TEX36: variants seen among roughly 807,000 people sequenced by gnomAD.
The protein encoded by TEX36 is testis-expressed protein 36.
Under a neutral mutation model 13.6 loss-of-function variants are expected in TEX36, and 12 were observed. That is an observed-to-expected ratio of 0.88 (90% CI 0.56 to 1.43). The LOEUF (loss-of-function observed/expected upper bound fraction) is 1.43. TEX36 is among the 40% of genes most tolerant of loss of function. The pLI, the probability that TEX36 is intolerant of heterozygous loss-of-function variation, is 0.00. For synonymous variants in TEX36, 93 were observed against 83.0 expected, an observed-to-expected ratio of 1.12 and a Z score of -0.65; for missense variants, 224 against 228.3, an observed-to-expected ratio of 0.98 and a Z score of 0.12.
At position 125,623,396 on chromosome 10, in the gene TEX36, G is replaced by A. The variant is rs934196142; in HGVS notation, c.265-1751C>T. Among the ~76,000 whole-genome samples the A allele has an allele frequency of 7.9e-5, 12 of 152,014 alleles. No homozygotes were observed. In the South Asian group the frequency reaches 1.2e-3, roughly 16 times the overall value. On this transcript the variant is annotated intron_variant, in intron 3 of 3. Coordinates refer to the TEX36 transcript ENST00000526819. ...CTCCAAGACACACCCAGAAACAATC[G>A]TTTACTGGCCATCTAGGCATCCTTC...
intron 3 of TEX36, among the ~76,000 whole-genome samples, chr10:125,585,491 C>G (rs180775761): frequency 1.3e-5 from 2 of 152,292 alleles, no homozygotes; most frequent in East Asian, 3.9e-4. Flanking sequence ...CAAAAATCCT[C>G]TCCCCCAAGG....
At chr10:125,615,936 T>G (rs1846352276) in intron 3 of TEX36, among the ~76,000 whole-genome samples, 1 of 152,222 alleles carries the variant, frequency 6.6e-6, no homozygotes, top group Non-Finnish European at 1.5e-5. Context: ...CTTGGTAAGC[T>G]ATTGATTATT....
In TEX36 at chr10:125,648,642, G is replaced by A. The variant is rs1270351311; in HGVS notation, c.264+12379C>T. ...TCCTCGGCAGCAATGGAACAAAGCTGGATGGAGAATGACTTTGACAAGTTG... is the reference window on the plus strand; with the variant it reads ...TCCTCGGCAGCAATGGAACAAAGCTAGATGGAGAATGACTTTGACAAGTTG... On this transcript the variant is annotated intron_variant, in intron 3 of 3. Transcript: ENST00000526819. Among the ~76,000 whole-genome samples the A allele has an allele frequency of 2.0e-5, 3 of 152,344 alleles. No individual in the cohort carries two copies. In the East Asian group the frequency reaches 5.8e-4, roughly 29 times the overall value.
intron 1 of TEX36, among the ~76,000 whole-genome samples, chr10:125,678,506 C>T (rs562363550): frequency 7.2e-5 from 11 of 152,058 alleles, no homozygotes; most frequent in South Asian, 6.3e-4. Context: ...TTGGGCCTCC[C>T]GGTGGCTTGC....
rs545157497 is a variant in TEX36, at chr10:125,605,761, C to T, written c.265-28887G>A. 7.9e-5 allele frequency among the ~76,000 whole-genome samples: 12 copies of T among 152,224 alleles called. No individual in the cohort carries two copies. The East Asian group carries it at 2.3e-3, about 29-fold the overall frequency. ...GGATTACAGGTGCCCACCAACACAC[C>T]TGGCTAATTTTTATATTTTTAGTAG... On this transcript the variant is annotated intron_variant, in intron 3 of 3. Coordinates refer to the TEX36 transcript ENST00000532135.
chr10:125,613,443 A>T, intron 3 of TEX36, among the ~76,000 whole-genome samples: 1 of 58,440 alleles, frequency 1.7e-5, no homozygotes, highest in Non-Finnish European at 2.8e-5. Context: ...CCCCCACCCC[A>T]CAACAGTCCT....
chr10:125,680,723 A>T (rs1185620860), intron 1 of TEX36, among the ~76,000 whole-genome samples: 1 of 152,202 alleles, frequency 6.6e-6, no homozygotes, highest in Non-Finnish European at 1.5e-5. Context: ...TTACTTTGGG[A>T]AACTTCATGA....
At chr10:125,668,071 G>C in intron 1 of TEX36, 1 of 626,856 alleles carries the variant, frequency 1.6e-6, no homozygotes, top group East Asian at 2.7e-5. Context: ...AAATAACTGA[G>C]AGTCTGTGGA....
At chr10:125,613,708 C>A (rs1159907261) in intron 3 of TEX36, among the ~76,000 whole-genome samples, 10 of 151,948 alleles carry the variant, frequency 6.6e-5, no homozygotes, top group Non-Finnish European at 1.5e-4. Flanking sequence ...GGTTCCAAGT[C>A]TTTGCTATTG....
rs7099007 is a variant in TEX36 at position 125,674,258 on chromosome 10, T to C, written c.51+8681A>G. 6.2e-3 allele frequency among the ~76,000 whole-genome samples: 937 copies of C among 152,356 alleles called. 9 individuals carry two copies. Among genetic ancestry groups the C allele is most frequent in the African/African-American group, 0.02 (849 of 41,576 alleles). The stretch of plus-strand genomic sequence containing the variant: ...ATTGTGACGTTTTCATGTTGAGTTT[T>C]TCAGCTCCATCAGATCATTTATGTT... On this transcript the variant is annotated intron_variant, in intron 1 of 3. Coordinates refer to ENST00000368821, the MANE Select transcript of TEX36 (RefSeq NM_001128202.3).
At chr10:125,608,741 T>C (rs1589752667) in intron 3 of TEX36, among the ~76,000 whole-genome samples, 1 of 152,182 alleles carries the variant, frequency 6.6e-6, no homozygotes, top group East Asian at 1.9e-4. Flanking sequence ...CCCTTTCCTT[T>C]TGGAGTTGAC....
In TEX36 at chr10:125,605,328, C is replaced by T. The variant is rs559908393; in HGVS notation, c.265-28454G>A. 1.4e-4 allele frequency among the ~76,000 whole-genome samples: 21 copies of T among 150,360 alleles called. No individual in the cohort carries two copies. In the South Asian group the frequency reaches 3.1e-3, roughly 22 times the overall value. ...GCAATGTGGTCAGTTATTCTCCACA[C>T]GCAGCATAGTGCAGCAATGTGGTCA... On this transcript the variant is annotated intron_variant, in intron 3 of 3. Transcript: ENST00000532135.
chr10:125,587,495 A>G (rs999064817), intron 3 of TEX36, among the ~76,000 whole-genome samples: 1 of 152,196 alleles, frequency 6.6e-6, no homozygotes, highest in African/African-American at 2.4e-5. Context: ...TACCTTAGAG[A>G]CACTTTATAC....
At chr10:125,612,837 T>C (rs1846307044) in intron 3 of TEX36, among the ~76,000 whole-genome samples, 1 of 151,294 alleles carries the variant, frequency 6.6e-6, no homozygotes, top group African/African-American at 2.4e-5. Flanking sequence ...AAAACCAAAA[T>C]AGAAGAAAAT....
rs191271597 is a variant in TEX36, at chr10:125,602,639, G to A, written c.265-25765C>T. Among the ~76,000 whole-genome samples the A allele has an allele frequency of 5.8e-3, 875 of 152,168 alleles. 5 individuals are homozygous for A. The highest frequency in any genetic ancestry group is 0.012 in the Admixed American group (188 of 15,280). On this transcript the variant is annotated intron_variant, in intron 3 of 3. Transcript: ENST00000532135. ...ATTCAACAAACACACTGTGAGTGCC[G>A]GCTCTGTGTCCTAAAGACACAAATC...
chr10:125,591,785 C>T (rs1846024114), intron 3 of TEX36, among the ~76,000 whole-genome samples: 1 of 152,148 alleles, frequency 6.6e-6, no homozygotes, highest in African/African-American at 2.4e-5. Flanking sequence ...GCGTTCATGA[C>T]GAACTTGTTT....
intron 3 of TEX36, among the ~76,000 whole-genome samples, chr10:125,577,966 C>A (rs1845845388): frequency 2.0e-5 from 3 of 152,178 alleles, no homozygotes; most frequent in Admixed American, 2.0e-4. Context: ...AAACAAATGT[C>A]ATATTCTATG....
At chr10:125,609,666 C>G (rs1358284892) in intron 3 of TEX36, among the ~76,000 whole-genome samples, 1 of 152,230 alleles carries the variant, frequency 6.6e-6, no homozygotes. Flanking sequence ...CTCCCTTCAC[C>G]AGCCTGGAAC....
intron 1 of TEX36, among the ~76,000 whole-genome samples, chr10:125,663,805 G>A (rs1053499451): frequency 2.2e-4 from 33 of 152,044 alleles, no homozygotes; most frequent in African/African-American, 8.0e-4. Flanking sequence ...TCACATCAGG[G>A]GAAATGGAGG....
Sources: gnomAD v4.1 joint callset for allele counts (sites outside exome capture counted in the v4.1 genomes callset) on GRCh38, gnomAD v4.1.1 for gene constraint, MANE v1.5 for transcripts, NCBI Gene and HGNC (gene_info 2026-07-23, HGNC 2026-07-21) for gene names.